CLK3: variants seen among roughly 807,000 people sequenced by gnomAD.
CLK3 encodes dual specificity protein kinase CLK3.
CLK3 carries 24 observed loss-of-function variants against 65.2 expected under a neutral mutation model. That is an observed-to-expected ratio of 0.37 (90% CI 0.27 to 0.52). The LOEUF (loss-of-function observed/expected upper bound fraction) is 0.52, where lower values mean the gene tolerates loss of function less well. Ranked by LOEUF, CLK3 falls within the 20% of genes least tolerant of loss-of-function variation. The pLI is 0.92. For synonymous variants in CLK3, 252 were observed against 240.8 expected, an observed-to-expected ratio of 1.05 and a Z score of -0.43; for missense variants, 506 against 660.0, an observed-to-expected ratio of 0.77 and a Z score of 2.56.
chr15:74,629,932 C>T lies in CLK3; in HGVS notation c.*49C>T, dbSNP rs1456866585. 7.1e-6 allele frequency: 11 copies of T among 1,545,236 alleles called. No individual in the cohort carries two copies. The highest frequency in any genetic ancestry group is 1.4e-5 in the African/African-American group (1 of 73,520). ...AGATGGAGGGCGGGACTGGGCCGCCCAGCCCCTTGACTCCAGCCTCGACCG... is the reference window on the plus strand; with the variant it reads ...AGATGGAGGGCGGGACTGGGCCGCCTAGCCCCTTGACTCCAGCCTCGACCG... On this transcript the variant is annotated 3_prime_UTR_variant, in exon 13 of 13. Coordinates refer to ENST00000395066, the MANE Select transcript of CLK3 (RefSeq NM_001130028.2).
chr15:74,617,236 A>G (rs551476005), intron 1 of CLK3, among the ~76,000 whole-genome samples: 4 of 152,234 alleles, frequency 2.6e-5, no homozygotes, highest in Non-Finnish European at 5.9e-5. Flanking sequence ...TGAGGCTGGT[A>G]TGTGACAGCA....
At chr15:74,615,238 T>C (rs2062042345), upstream of CLK3, 1 of 416,914 alleles carries the variant, frequency 2.4e-6, no homozygotes, top group African/African-American at 2.0e-5. Flanking sequence ...CCCTCCAGAC[T>C]CCGGCCCCGC....
intron 7 of CLK3, 57 bp downstream of exon 7, chr15:74,626,025 C>G (rs2062141181): frequency 1.3e-6 from 2 of 1,579,146 alleles, no homozygotes; most frequent in South Asian, 2.2e-5. Context: ...GCCAAGTCAT[C>G]TGGTTACTTG....
intron 12 of CLK3, 141 bp downstream of exon 12, chr15:74,629,173 G>T: frequency 1.3e-6 from 1 of 742,860 alleles, no homozygotes; most frequent in Admixed American, 2.0e-5. Context: ...CAAGACTGCT[G>T]GGTGCTGGCA....
chr15:74,625,773 C>T (rs769117756), intron 6 of CLK3, 29 bp from the exon 7 acceptor site: 1 of 1,613,054 alleles, frequency 6.2e-7, no homozygotes, highest in Non-Finnish European at 8.5e-7. Flanking sequence ...CAGCACACAG[C>T]CTGAGCCCTG....
At chr15:74,619,486 A>G (rs2062084866) in intron 2 of CLK3, 138 bp downstream of exon 2, 1 of 886,084 alleles carries the variant, frequency 1.1e-6, no homozygotes. Context: ...GGGCTCCTCC[A>G]CTAACCTCAC....
chr15:74,625,033 G>A lies in CLK3; in HGVS notation c.650+15G>A, dbSNP rs1470040434. Reference sequence around the variant, plus strand: ...GAAAACAAGTTGTGAGTATCTGCAAGGAGTGGGAGGGAAGCCTTCAGTGGG... The same window carrying A: ...GAAAACAAGTTGTGAGTATCTGCAAAGAGTGGGAGGGAAGCCTTCAGTGGG... On this transcript the variant is annotated intron_variant, in intron 6 of 12. Coordinates refer to ENST00000395066, the MANE Select transcript of CLK3 (RefSeq NM_001130028.2). 1.3e-6 allele frequency: 2 copies of A among 1,587,226 alleles called. No individual in the cohort carries two copies. Among genetic ancestry groups the A allele is most frequent in the African/African-American group, 1.3e-5 (1 of 74,348 alleles).
Position 74,629,859 on chromosome 15 carries a change from C to T in CLK3, c.1449C>T (p.His483=). Reference sequence around the variant, plus strand: ...TGACCCCTGAGGAGCGGTCCTTCCACACCAGCCGCAACCCAAGCAGATGAC... The same window carrying T: ...TGACCCCTGAGGAGCGGTCCTTCCATACCAGCCGCAACCCAAGCAGATGAC... ...AGLTPEERSF[H]TSRNPSR Residue 483 remains histidine (H), a synonymous_variant, in exon 13 of 13, where the codon CAC becomes CAT. Transcript: ENST00000395066. 2 of 1,609,008 alleles carry T rather than the reference C, an allele frequency of 1.2e-6. No individual in the cohort carries two copies. The highest frequency in any genetic ancestry group is 8.5e-7 in the Non-Finnish European group (1 of 1,178,004).
At chr15:74,623,291 G>A (rs1160316720) in intron 5 of CLK3, among the ~76,000 whole-genome samples, 1 of 152,218 alleles carries the variant, frequency 6.6e-6, no homozygotes, top group Admixed American at 6.5e-5. Flanking sequence ...TAGTTGGTTT[G>A]GCACTTCAGC....
upstream of CLK3, chr15:74,614,881 T>G (rs1033695763): frequency 1.8e-4 from 28 of 152,160 alleles, no homozygotes; most frequent in African/African-American, 6.8e-4. Flanking sequence ...TGGGGACAAT[T>G]AGGCGCCACG....
intron 12 of CLK3, chr15:74,629,296 C>T: frequency 3.4e-6 from 2 of 583,654 alleles, no homozygotes; most frequent in South Asian, 1.9e-5. Context: ...AGAAGCCCTG[C>T]TGCTTCCTGT....
chr15:74,618,926 C>T lies in CLK3; in HGVS notation c.1-271C>T, dbSNP rs112200922. Among the ~76,000 whole-genome samples the T allele has an allele frequency of 1.1e-3, 163 of 152,374 alleles. 1 individual carries two copies. The highest frequency in any genetic ancestry group is 3.4e-3 in the Middle Eastern group (1 of 294). ...ACTGCCTCAGCCCCTGGCCCTGGCT[C>T]ACCCAGTTCCCTGAGCACCCAGGCC... On this transcript the variant is annotated intron_variant, in intron 1 of 12. Transcript: ENST00000395066.
chr15:74,616,513 C>T (rs1022660843), intron 1 of CLK3, among the ~76,000 whole-genome samples: 67 of 152,258 alleles, frequency 4.4e-4, no homozygotes, highest in African/African-American at 1.5e-3. Flanking sequence ...CCTGGCTGCT[C>T]CTCCGTCCCG....
At position 74,619,375 on chromosome 15, in the gene CLK3, A is replaced by G. The variant is rs1034567456; in HGVS notation, c.152+27A>G. The G allele has an allele frequency of 2.5e-6, 4 of 1,611,858 alleles. No individual in the cohort carries two copies. In the African/African-American group the frequency reaches 4.0e-5, roughly 16 times the overall value. The stretch of plus-strand genomic sequence containing the variant: ...TGAGAGGGAACTAGATAGGAGGGAA[A>G]GACTCCTTCTGTCAGCTGGGCTCAG... On this transcript the variant is annotated intron_variant, in intron 2 of 12. Transcript: ENST00000395066.
At chr15:74,617,171 T>A (rs2062067235) in intron 1 of CLK3, among the ~76,000 whole-genome samples, 2 of 152,214 alleles carry the variant, frequency 1.3e-5, no homozygotes, top group African/African-American at 4.8e-5. Context: ...TGAGAGATGT[T>A]ATCTCCATTT....
At chr15:74,619,729 G>A (rs1265992492) in intron 2 of CLK3, among the ~76,000 whole-genome samples, 1 of 152,116 alleles carries the variant, frequency 6.6e-6, no homozygotes, top group Non-Finnish European at 1.5e-5. Flanking sequence ...GCAGGCCACA[G>A]GGAACTCTGG....
intron 1 of CLK3, among the ~76,000 whole-genome samples, chr15:74,618,565 C>A (rs1174273222): frequency 6.6e-6 from 1 of 152,136 alleles, no homozygotes. Flanking sequence ...TTGGGTTGAC[C>A]CTCAGGAGGG....
chr15:74,615,344 GATA>G (rs1412485639), upstream of CLK3: 4 of 1,039,088 alleles, frequency 3.8e-6, no homozygotes, highest in South Asian at 4.4e-5. Context: ...CACACACCAA[GATA>G]ATAATGTGTC....
At position 74,617,566 on chromosome 15, in the gene CLK3, T is replaced by G. The variant is rs182242218; in HGVS notation, c.1-1631T>G. On this transcript the variant is annotated intron_variant, in intron 1 of 12. Coordinates refer to ENST00000395066, the MANE Select transcript of CLK3 (RefSeq NM_001130028.2). ...AGAAGTGGCAAGCCATGATTCAGAT[T>G]GACATCTATATGACTCTGAAATTTT... Among the ~76,000 whole-genome samples the G allele has an allele frequency of 1.2e-4, 18 of 152,392 alleles. No homozygotes were observed. The East Asian group carries it at 3.5e-3, about 29-fold the overall frequency.
Sources: gnomAD v4.1 joint callset for allele counts (sites outside exome capture counted in the v4.1 genomes callset) on GRCh38, gnomAD v4.1.1 for gene constraint, MANE v1.5 for transcripts, NCBI Gene and HGNC (gene_info 2026-07-23, HGNC 2026-07-21) for gene names.